The following FOXP1 variants were observed in gnomAD, a reference collection of about 807,000 sequenced individuals.
FOXP1 encodes forkhead box P1.
In FOXP1, 15 loss-of-function variants were observed where a neutral mutation model predicts 98.2. The ratio of observed to expected loss-of-function variants is 0.15; its 90% CI spans 0.10 to 0.24. The LOEUF is 0.24. Ranked by LOEUF, FOXP1 falls within the 10% of genes least tolerant of loss-of-function variation. The pLI is 1.00. For synonymous variants in FOXP1, 371 were observed against 314.5 expected, an observed-to-expected ratio of 1.18 and a Z score of -1.90; for missense variants, 633 against 848.5, an observed-to-expected ratio of 0.75 and a Z score of 3.15.
At chr3:71,522,625 G>A (rs1284063519) in intron 2 of FOXP1, among the ~76,000 whole-genome samples, 1 of 152,286 alleles carries the variant, frequency 6.6e-6, no homozygotes, top group East Asian at 1.9e-4. Flanking sequence ...TATAGCAGGT[G>A]GCACTAGAGA....
chr3:71,011,491 G>C (rs2043622179), intron 12 of FOXP1, among the ~76,000 whole-genome samples: 1 of 152,130 alleles, frequency 6.6e-6, no homozygotes, highest in Non-Finnish European at 1.5e-5. Context: ...TAGAAAAACA[G>C]AGCTAATGGA....
chr3:71,104,770 C>T (rs1409420211), intron 7 of FOXP1, among the ~76,000 whole-genome samples: 2 of 152,168 alleles, frequency 1.3e-5, no homozygotes, highest in African/African-American at 4.8e-5. Context: ...TGAACATTAC[C>T]GGACGCTGGA....
chr3:71,253,126 A>G (rs2068343460), intron 5 of FOXP1, among the ~76,000 whole-genome samples: 2 of 152,186 alleles, frequency 1.3e-5, no homozygotes, highest in African/African-American at 4.8e-5. Flanking sequence ...TTTAACACCA[A>G]AAGAAAAATT....
rs1027688703 is a variant in FOXP1 at position 70,956,733 on chromosome 3, T to G, written c.*2514A>C. Reference sequence around the variant, plus strand: ...CACATCATGAAGCTGCCTGGAAAAGTTTTTTTTTTTTTTTTTTTTTTTTTT... The same window carrying G: ...CACATCATGAAGCTGCCTGGAAAAGGTTTTTTTTTTTTTTTTTTTTTTTTT... On this transcript the variant is annotated 3_prime_UTR_variant, in exon 21 of 21. Transcript: ENST00000649528. 1.3e-4 allele frequency: 2 copies of G among 15,442 alleles called. No homozygotes were observed. Among genetic ancestry groups the G allele is most frequent in the East Asian group, 4.3e-4 (1 of 2,324 alleles). The allele number at this position is 15,442 out of a possible 1,614,324, so 1.0% of individuals were successfully genotyped here. A position where few individuals can be genotyped will look rare whatever the true frequency, so the allele number is the denominator to read the frequency against.
chr3:71,027,397 A>G (rs2046274669), intron 11 of FOXP1, among the ~76,000 whole-genome samples: 1 of 152,232 alleles, frequency 6.6e-6, no homozygotes, highest in Admixed American at 6.5e-5. Flanking sequence ...AAAGCAGGAG[A>G]TGAAGGGACA....
At chr3:71,256,973 C>T (rs2068676966) in intron 5 of FOXP1, among the ~76,000 whole-genome samples, 1 of 152,188 alleles carries the variant, frequency 6.6e-6, no homozygotes. Context: ...ACCAGCTATT[C>T]ATCCAATATC....
chr3:71,287,083 G>A (rs1313124051), intron 5 of FOXP1, among the ~76,000 whole-genome samples: 2 of 152,120 alleles, frequency 1.3e-5, no homozygotes, highest in Admixed American at 6.5e-5. Flanking sequence ...AATAACTTGG[G>A]AAAACACTTA....
At chr3:71,187,294 C>T (rs1373603298) in intron 6 of FOXP1, among the ~76,000 whole-genome samples, 1 of 152,152 alleles carries the variant, frequency 6.6e-6, no homozygotes, top group Non-Finnish European at 1.5e-5. Context: ...GTCCCAAGAA[C>T]CTATTAATGG....
intron 2 of FOXP1, among the ~76,000 whole-genome samples, chr3:71,540,193 C>G (rs1339454057): frequency 6.6e-6 from 1 of 152,218 alleles, no homozygotes; most frequent in African/African-American, 2.4e-5. Flanking sequence ...TGACAAATCC[C>G]CTTTAGTCTT....
chr3:71,343,553 G>GTTTTTT (rs1204955681), intron 4 of FOXP1, among the ~76,000 whole-genome samples: 1 of 50,066 alleles, frequency 2.0e-5, no homozygotes, highest in Non-Finnish European at 4.5e-5. Context: ...ATCTCAATTA[G>GTTTTTT]ATTTTTTTTT....
intron 2 of FOXP1, among the ~76,000 whole-genome samples, chr3:71,514,639 T>C (rs2042430444): frequency 6.6e-6 from 1 of 152,232 alleles, no homozygotes. Flanking sequence ...CTCCCCCCTG[T>C]TGGGAAGGGT....
chr3:71,438,428 A>T (rs2085578153), intron 3 of FOXP1, among the ~76,000 whole-genome samples: 1 of 152,170 alleles, frequency 6.6e-6, no homozygotes, highest in East Asian at 1.9e-4. Context: ...CTGTGGCATG[A>T]GTTCCTGTGC....
chr3:71,214,934 T>C (rs2064808397), intron 5 of FOXP1, among the ~76,000 whole-genome samples: 1 of 152,236 alleles, frequency 6.6e-6, no homozygotes, highest in South Asian at 2.1e-4. Context: ...GATCAACCTG[T>C]GCACTGCAAC....
At chr3:71,002,186 T>C (rs888632294) in intron 12 of FOXP1, among the ~76,000 whole-genome samples, 1 of 152,196 alleles carries the variant, frequency 6.6e-6, no homozygotes, top group African/African-American at 2.4e-5. Context: ...CAATTAAAGC[T>C]CACTCCTTTG....
intron 2 of FOXP1, among the ~76,000 whole-genome samples, chr3:71,559,864 C>G (rs543779411): frequency 1.8e-4 from 26 of 145,814 alleles, no homozygotes; most frequent in Admixed American, 2.1e-4. Flanking sequence ...CTGGGGGTTG[C>G]GGGGGGGACC....
chr3:70,972,199 CA>C, intron 18 of FOXP1: 1 of 1,509,400 alleles, frequency 6.6e-7, no homozygotes, highest in Non-Finnish European at 8.8e-7. Context: ...GGAGCAGCAG[CA>C]AAGGAGATGG....
chr3:71,125,648 A>G (rs1575864791), intron 6 of FOXP1, among the ~76,000 whole-genome samples: 1 of 152,338 alleles, frequency 6.6e-6, no homozygotes, highest in Non-Finnish European at 1.5e-5. Flanking sequence ...AGTGACAATG[A>G]TCTTTTGAAC....
chr3:71,516,365 A>G (rs2107387377), intron 2 of FOXP1, among the ~76,000 whole-genome samples: 1 of 152,334 alleles, frequency 6.6e-6, no homozygotes, highest in East Asian at 1.9e-4. Context: ...GGAACCAAGT[A>G]TAATCAATTG....
At chr3:71,233,182 G>A (rs1288815) in intron 5 of FOXP1, among the ~76,000 whole-genome samples, 2,776 of 137,862 alleles carry the variant, frequency 0.02, 87 homozygotes, top group African/African-American at 0.069. Context: ...GAGAGAAAGC[G>A]AAAGAAATAG....
Sources: allele counts gnomAD v4.1 joint callset (sites outside exome capture counted in the v4.1 genomes callset), GRCh38; gene constraint gnomAD v4.1.1; transcripts MANE v1.5; gene names NCBI Gene and HGNC (gene_info 2026-07-23, HGNC 2026-07-21).